Variants in CTNNA2 observed in about 807,000 individuals in gnomAD.
CTNNA2 encodes the protein catenin alpha 2.
Under a neutral mutation model 101.0 loss-of-function variants are expected in CTNNA2, and 42 were observed. That is an observed-to-expected ratio of 0.42 (90% CI 0.32 to 0.54). The LOEUF (loss-of-function observed/expected upper bound fraction) is 0.54. Among genes scored for constraint, CTNNA2 ranks in the 20% least tolerant of loss-of-function variants. The probability of loss-of-function intolerance (pLI) is 0.14; values close to 1 mark genes in which losing one functional copy is unlikely to be tolerated. For synonymous variants in CTNNA2, 450 were observed against 456.4 expected, an observed-to-expected ratio of 0.99 and a Z score of 0.18; for missense variants, 871 against 1,223.1, an observed-to-expected ratio of 0.71 and a Z score of 4.29.
intron 3 of CTNNA2, among the ~76,000 whole-genome samples, chr2:79,794,837 A>G (rs1006652246): frequency 2.0e-5 from 3 of 152,212 alleles, no homozygotes; most frequent in Non-Finnish European, 4.4e-5. Context: ...TGTCTTCAGC[A>G]TCTTACTTCA....
At chr2:79,270,726 T>A (rs781124315) in intron 2 of CTNNA2, among the ~76,000 whole-genome samples, 1 of 152,080 alleles carries the variant, frequency 6.6e-6, no homozygotes, top group African/African-American at 2.4e-5. Context: ...AGGTCATAGC[T>A]CACCATTTTA....
chr2:80,331,024 T>C (rs200869782), intron 7 of CTNNA2, among the ~76,000 whole-genome samples: 1 of 101,402 alleles, frequency 9.9e-6, no homozygotes, highest in African/African-American at 4.7e-5. Flanking sequence ...ACTGTATGTT[T>C]TTTTTTTTTT....
chr2:80,128,773 T>C (rs1425365129), intron 7 of CTNNA2, among the ~76,000 whole-genome samples: 2 of 152,124 alleles, frequency 1.3e-5, no homozygotes, highest in African/African-American at 4.8e-5. Flanking sequence ...CCGGAAACGA[T>C]TCCAAAATTA....
At chr2:79,899,549 G>A (rs1684943982) in intron 6 of CTNNA2, among the ~76,000 whole-genome samples, 1 of 152,136 alleles carries the variant, frequency 6.6e-6, no homozygotes, top group Admixed American at 6.6e-5. Flanking sequence ...CAAAAACGAA[G>A]CTAATGTGAG....
At chr2:80,113,296 G>A (rs1701326047) in intron 7 of CTNNA2, among the ~76,000 whole-genome samples, 1 of 152,110 alleles carries the variant, frequency 6.6e-6, no homozygotes, top group African/African-American at 2.4e-5. Flanking sequence ...ATAACCAGTG[G>A]CAAAAAAAGC....
chr2:80,000,439 C>A (rs1692864342), intron 7 of CTNNA2, among the ~76,000 whole-genome samples: 1 of 152,136 alleles, frequency 6.6e-6, no homozygotes, highest in Non-Finnish European at 1.5e-5. Flanking sequence ...AAACAGCCAT[C>A]ACTGCAGAAA....
At chr2:80,027,207 T>G (rs1358100413) in intron 7 of CTNNA2, among the ~76,000 whole-genome samples, 1 of 152,078 alleles carries the variant, frequency 6.6e-6, no homozygotes, top group Non-Finnish European at 1.5e-5. Context: ...CTTCAGGAGT[T>G]AGTGGTATGG....
chr2:79,300,305 T>C lies in CTNNA2; in HGVS notation c.-405-12404T>C, dbSNP rs370095094. The stretch of plus-strand genomic sequence containing the variant: ...GGTATGGACTTTGTAGATGGGATTC[T>C]TTTACTTACCTTAAGCTTCCTCCAT... On this transcript the variant is annotated intron_variant, in intron 2 of 21. Transcript: ENST00000466387. Among the ~76,000 whole-genome samples, 19 of 152,202 alleles carry C rather than the reference T, an allele frequency of 1.2e-4. No individual in the cohort carries two copies. The East Asian group carries it at 3.5e-3, about 28-fold the overall frequency.
At chr2:79,428,850 A>C (rs941229048) in intron 4 of CTNNA2, among the ~76,000 whole-genome samples, 2 of 152,136 alleles carry the variant, frequency 1.3e-5, no homozygotes, top group African/African-American at 4.8e-5. Flanking sequence ...TAGAATCAAG[A>C]CTATCTCCAA....
intron 7 of CTNNA2, among the ~76,000 whole-genome samples, chr2:80,084,259 T>A (rs1019798350): frequency 6.6e-6 from 1 of 152,172 alleles, no homozygotes; most frequent in African/African-American, 2.4e-5. Context: ...GGCACTCTAG[T>A]AATCATCTGG....
rs1030246810 is a variant in CTNNA2, at chr2:79,663,121, A to G, written c.102+11463A>G. Reference sequence around the variant, plus strand: ...TCACAGAGCCCTAGTCACACACCCAAGAGTTCTCCTTAGCTCTTCTTTGCT... The same window carrying G: ...TCACAGAGCCCTAGTCACACACCCAGGAGTTCTCCTTAGCTCTTCTTTGCT... On this transcript the variant is annotated intron_variant, in intron 2 of 18. Coordinates refer to ENST00000402739, the MANE Select transcript of CTNNA2 (RefSeq NM_001282597.3). 3.3e-5 allele frequency among the ~76,000 whole-genome samples: 5 copies of G among 152,088 alleles called. No homozygotes were observed. The East Asian group carries it at 5.8e-4, about 18-fold the overall frequency.
chr2:79,619,615 G>C (rs1315888378), intron 1 of CTNNA2, among the ~76,000 whole-genome samples: 1 of 152,052 alleles, frequency 6.6e-6, no homozygotes, highest in Non-Finnish European at 1.5e-5. Context: ...AATATTGTGG[G>C]TGAATGGTTG....
At chr2:79,485,101 CA>C (rs1671144800) in intron 4 of CTNNA2, among the ~76,000 whole-genome samples, 1 of 152,026 alleles carries the variant, frequency 6.6e-6, no homozygotes, top group Non-Finnish European at 1.5e-5. Flanking sequence ...TTTATAGAAA[CA>C]GACCAAATGG....
chr2:80,081,951 G>A (rs764429303), intron 7 of CTNNA2, among the ~76,000 whole-genome samples: 1 of 152,108 alleles, frequency 6.6e-6, no homozygotes, highest in Non-Finnish European at 1.5e-5. Flanking sequence ...CTAGATGCAG[G>A]AGACAAAGTA....
chr2:80,203,278 A>T (rs189219050), intron 7 of CTNNA2, among the ~76,000 whole-genome samples: 267 of 152,278 alleles, frequency 1.8e-3, no homozygotes, highest in African/African-American at 6.3e-3. Flanking sequence ...GTCTCCACTC[A>T]TTTCAGTATT....
chr2:80,059,365 C>CA (rs1366062228), intron 7 of CTNNA2, among the ~76,000 whole-genome samples: 48 of 152,134 alleles, frequency 3.2e-4, no homozygotes, highest in African/African-American at 1.1e-3. Context: ...ACTTGTAGCC[C>CA]AATAGAGTAC....
intron 1 of CTNNA2, among the ~76,000 whole-genome samples, chr2:79,528,639 A>G (rs1672560749): frequency 6.6e-6 from 1 of 152,172 alleles, no homozygotes; most frequent in Non-Finnish European, 1.5e-5. Flanking sequence ...GGAATGTAGA[A>G]ATTACTCCTT....
chr2:80,579,595 T>A (rs1695354226), intron 13 of CTNNA2: 1 of 152,170 alleles, frequency 6.6e-6, no homozygotes, highest in African/African-American at 2.4e-5. Context: ...GTTAATAAAA[T>A]ATGAGAACAA....
At chr2:80,523,252 G>A (rs1689729933) in intron 9 of CTNNA2, among the ~76,000 whole-genome samples, 1 of 152,164 alleles carries the variant, frequency 6.6e-6, no homozygotes, top group Non-Finnish European at 1.5e-5. Context: ...ATACATGGGT[G>A]AGCAGAAAGG....
Sources: allele counts gnomAD v4.1 joint callset (sites outside exome capture counted in the v4.1 genomes callset), GRCh38; gene constraint gnomAD v4.1.1; transcripts MANE v1.5; gene names NCBI Gene and HGNC (gene_info 2026-07-23, HGNC 2026-07-21).